MYO10: variants seen among roughly 807,000 people sequenced by gnomAD.
MYO10 encodes the protein myosin X, also known as unconventional myosin-X.
Under a neutral mutation model 257.3 loss-of-function variants are expected in MYO10, and 133 were observed. The ratio of observed to expected loss-of-function variants is 0.52; its 90% CI spans 0.45 to 0.60. The LOEUF is 0.60. MYO10 is among the 20% of genes least tolerant of loss of function. The pLI is 0.00. For synonymous variants in MYO10, 1,104 were observed against 1,028.6 expected, an observed-to-expected ratio of 1.07 and a Z score of -1.40; for missense variants, 2,399 against 2,635.7, an observed-to-expected ratio of 0.91 and a Z score of 1.97.
At chr5:16,794,521 T>A in intron 4 of MYO10, 125 bp downstream of exon 4, 1 of 900,148 alleles carries the variant, frequency 1.1e-6, no homozygotes, top group Non-Finnish European at 1.6e-6. Context: ...CAGAAAACTC[T>A]GTCGGAGAAA....
In MYO10 at chr5:16,672,722, G is replaced by A; in HGVS notation, c.5276C>T (p.Thr1759Ile). The part of the protein sequence containing the change: ...GHVDKAIESR[T>I]VVADVLAKFE... The stretch of plus-strand genomic sequence containing the variant: ...CTTGGCTAAGACATCAGCTACGACG[G>A]TTCGACTTTCAATGGCTTTGTCGAC... Residue 1759 changes from threonine (T) to isoleucine (I), a missense_variant, in exon 37 of 41, where the codon ACC becomes ATC. This residue lies in a region of MYO10 where 1,820 missense variants were observed against 1,939.4 expected (regional missense o/e 0.94). Coordinates refer to ENST00000513610, the MANE Select transcript of MYO10 (RefSeq NM_012334.3). The A allele has an allele frequency of 1.2e-6, 2 of 1,614,020 alleles. No individual in the cohort carries two copies. Among genetic ancestry groups the A allele is most frequent in the East Asian group, 2.2e-5 (1 of 44,888 alleles).
chr5:16,928,262 G>GTGGC (rs1412543299), intron 1 of MYO10, among the ~76,000 whole-genome samples: 1 of 152,070 alleles, frequency 6.6e-6, no homozygotes, highest in Non-Finnish European at 1.5e-5. Flanking sequence ...CTGGAGTGCA[G>GTGGC]TGGCTCACCG....
intron 1 of MYO10, among the ~76,000 whole-genome samples, chr5:16,928,583 C>A (rs1746203229): frequency 2.0e-5 from 3 of 152,054 alleles, no homozygotes; most frequent in Non-Finnish European, 4.4e-5. Context: ...TGACGGCTCA[C>A]ACCTGTAATC....
chr5:16,796,704 A>G (rs1741983379), intron 3 of MYO10, among the ~76,000 whole-genome samples: 1 of 152,158 alleles, frequency 6.6e-6, no homozygotes, highest in Non-Finnish European at 1.5e-5. Context: ...ACTAACCACC[A>G]ACCAACTTTT....
In MYO10 at chr5:16,703,376, T is replaced by A. The variant is rs115178389; in HGVS notation, c.2277-218A>T. The stretch of plus-strand genomic sequence containing the variant: ...AAACAAAACTAAAGTAAGAAGCCTA[T>A]CACTATCTTGGCTAAATAAACACAT... On this transcript the variant is annotated intron_variant, in intron 22 of 40. Transcript: ENST00000513610. Among the ~76,000 whole-genome samples, 507 of 152,316 alleles carry A rather than the reference T, an allele frequency of 3.3e-3. 2 individuals carry two copies. Among genetic ancestry groups the A allele is most frequent in the Non-Finnish European group, 5.1e-3 (344 of 68,022 alleles).
intron 17 of MYO10, among the ~76,000 whole-genome samples, chr5:16,760,358 G>A (rs1432423193): frequency 7.3e-5 from 11 of 151,240 alleles, no homozygotes; most frequent in Non-Finnish European, 1.3e-4. Flanking sequence ...CTACTCGGGA[G>A]GCTGAGGCAG....
chr5:16,842,125 C>A (rs1743500725), intron 2 of MYO10, among the ~76,000 whole-genome samples: 1 of 152,086 alleles, frequency 6.6e-6, no homozygotes, highest in South Asian at 2.1e-4. Context: ...TCTTATAGAA[C>A]CCTTTATATG....
intron 2 of MYO10, among the ~76,000 whole-genome samples, chr5:16,867,874 T>C (rs1744326404): frequency 6.6e-6 from 1 of 152,152 alleles, no homozygotes; most frequent in Admixed American, 6.5e-5. Context: ...GAGAAGGACA[T>C]GGAGGAGGTT....
chr5:16,895,593 C>A (rs1435700318), intron 1 of MYO10, among the ~76,000 whole-genome samples: 4 of 152,014 alleles, frequency 2.6e-5, no homozygotes, highest in Non-Finnish European at 1.5e-5. Context: ...CCAACAGGCT[C>A]AACCCAACAA....
In MYO10 at chr5:16,936,246, G is replaced by A. The variant is rs1477645549; in HGVS notation, c.-438C>T. ...TCCCCGCGCGAGCGCTTGGAGGTGA[G>A]CAGTCCCGCGCCGCGGCTCAGCCAG... is the stretch of plus-strand genomic sequence containing the variant. On this transcript the variant is annotated 5_prime_UTR_variant, in exon 1 of 41. Coordinates refer to ENST00000513610, the MANE Select transcript of MYO10 (RefSeq NM_012334.3). The A allele has an allele frequency of 6.3e-6, 1 of 157,572 alleles. No homozygotes were observed. Among genetic ancestry groups the A allele is most frequent in the African/African-American group, 2.5e-5 (1 of 40,640 alleles). The allele number at this position is 157,572 out of a possible 1,614,324, so 9.8% of individuals were successfully genotyped here.
At chr5:16,846,500 C>T (rs1171950421) in intron 2 of MYO10, among the ~76,000 whole-genome samples, 3 of 152,192 alleles carry the variant, frequency 2.0e-5, no homozygotes, top group African/African-American at 4.8e-5. Flanking sequence ...CATGAAAGAG[C>T]GCAGGCTTCA....
At chr5:16,752,623 C>T (rs554832147) in intron 19 of MYO10, among the ~76,000 whole-genome samples, 7 of 152,246 alleles carry the variant, frequency 4.6e-5, no homozygotes, top group Non-Finnish European at 8.8e-5. Flanking sequence ...AGACCTTGCA[C>T]GTTTGAAAGA....
chr5:16,903,001 C>T (rs542494875), intron 1 of MYO10, among the ~76,000 whole-genome samples: 1 of 152,352 alleles, frequency 6.6e-6, no homozygotes, highest in South Asian at 2.1e-4. Context: ...TGCCTCGTAA[C>T]CTTGGAGAAT....
intron 27 of MYO10, among the ~76,000 whole-genome samples, chr5:16,691,698 CAAAA>C (rs34616596): frequency 4.5e-5 from 6 of 134,176 alleles, no homozygotes; most frequent in South Asian, 2.4e-4. Flanking sequence ...GACTCTGTAT[CAAAA>C]AAAAAAAAAA....
chr5:16,796,473 GA>G (rs368102042), intron 3 of MYO10, among the ~76,000 whole-genome samples: 1,279 of 33,200 alleles, frequency 0.039, 47 homozygotes, highest in South Asian at 0.091. Flanking sequence ...AGAAAGAAAA[GA>G]AAAGAAAAGA....
At chr5:16,759,266 T>C (rs1290722647) in intron 17 of MYO10, among the ~76,000 whole-genome samples, 3 of 152,164 alleles carry the variant, frequency 2.0e-5, no homozygotes, top group Non-Finnish European at 4.4e-5. Flanking sequence ...GAAGGTATCA[T>C]GGGCTATGGA....
chr5:16,773,661 C>CAAA lies in MYO10; in HGVS notation c.931-4461_931-4459dup, dbSNP rs35170602. ...TGGGCAACAGAGTGAGACCTTGTCTCAAAAAAAAAAAAAAAAAGTGAAATA... is the reference window on the plus strand; with the variant it reads ...TGGGCAACAGAGTGAGACCTTGTCTCAAAAAAAAAAAAAAAAAAAAGTGAAATA... On this transcript the variant is annotated intron_variant, in intron 9 of 40. Coordinates refer to ENST00000513610, the MANE Select transcript of MYO10 (RefSeq NM_012334.3). 6.2e-5 allele frequency among the ~76,000 whole-genome samples: 7 copies of CAAA among 113,044 alleles called. 1 individual carries two copies. Among genetic ancestry groups the CAAA allele is most frequent in the East Asian group, 2.5e-4 (1 of 3,984 alleles). 74.2% of individuals were successfully genotyped at this position (113,044 alleles called of 152,430 possible).
At position 16,754,840 on chromosome 5, in the gene MYO10, T is replaced by C; in HGVS notation, c.1917A>G (p.Pro639=). ...TCATCAATCTTACCTTCTGCATGTT[T>C]GGCTTGATACAGCGAACAAAGAAAG... ...SNPFFVRCIK[P]NMQKMPDQFD... The change falls in exon 19 of 41, where the codon CCA becomes CCG. Residue 639 remains proline (P), a synonymous_variant. Transcript: ENST00000513610. 1 of 1,602,978 alleles carries C rather than the reference T, an allele frequency of 6.2e-7. No individual in the cohort carries two copies. Among genetic ancestry groups the C allele is most frequent in the Non-Finnish European group, 8.5e-7 (1 of 1,172,798 alleles).
At chr5:16,833,529 G>C (rs1242867014) in intron 2 of MYO10, among the ~76,000 whole-genome samples, 1 of 152,064 alleles carries the variant, frequency 6.6e-6, no homozygotes, top group Non-Finnish European at 1.5e-5. Flanking sequence ...TAGTTTTAAT[G>C]ACAATTTTTC....
Sources: gnomAD v4.1 joint callset for allele counts (sites outside exome capture counted in the v4.1 genomes callset) on GRCh38, gnomAD v4.1.1 for gene constraint, gnomAD v4.1.1 regional missense constraint, MANE v1.5 for transcripts, NCBI Gene and HGNC (gene_info 2026-07-23, HGNC 2026-07-21) for gene names.